Variants in PTPRC observed in about 807,000 individuals in gnomAD.
The protein encoded by PTPRC is protein tyrosine phosphatase receptor type C.
Under a neutral mutation model 155.9 loss-of-function variants are expected in PTPRC, and 44 were observed. The ratio of observed to expected loss-of-function variants is 0.28; its 90% CI spans 0.22 to 0.36. PTPRC has a LOEUF of 0.36. PTPRC is among the 10% of genes least tolerant of loss of function. PTPRC has a pLI of 1.00. For missense variants in PTPRC, 1,401 were observed against 1,564.6 expected (o/e 0.90, Z 1.76); for synonymous variants, 525 against 533.1 (o/e 0.98, Z 0.21).
intron 15 of PTPRC, among the ~76,000 whole-genome samples, chr1:198,726,342 T>C (rs952456281): frequency 1.3e-4 from 20 of 152,198 alleles, no homozygotes; most frequent in African/African-American, 4.8e-4. Flanking sequence ...CTTTGGGTCA[T>C]TTTAGGAGCC....
intron 2 of PTPRC, among the ~76,000 whole-genome samples, chr1:198,682,893 A>G (rs1047334311): frequency 8.5e-5 from 13 of 152,144 alleles, no homozygotes; most frequent in African/African-American, 2.9e-4. Context: ...AATAAGTTTT[A>G]ATGTGTGGTA....
rs184046166 is a variant in PTPRC, at chr1:198,754,482, C to G, written c.3645+78C>G. The G allele has an allele frequency of 8.7e-5, 130 of 1,486,458 alleles. No homozygotes were observed. The Admixed American group carries it at 2.2e-3, about 25-fold the overall frequency. The allele number at this position is 1,486,458 out of a possible 1,614,324, so 92.1% of individuals were successfully genotyped here. On this transcript the variant is annotated intron_variant, in intron 32 of 32. Coordinates refer to ENST00000442510, the MANE Select transcript of PTPRC (RefSeq NM_002838.5). The stretch of plus-strand genomic sequence containing the variant: ...TTGACGGTTTCCTTTTTTCTTTTCT[C>G]CTCTCCTTTCCTCTCGTTTGTTCTT...
chr1:198,694,977 A>T, intron 3 of PTPRC: 1 of 980,142 alleles, frequency 1.0e-6, no homozygotes, highest in Non-Finnish European at 1.2e-6. Flanking sequence ...GGTTATGAAA[A>T]TCTAGAGATT....
At position 198,696,883 on chromosome 1, in the gene PTPRC, A is replaced by G; in HGVS notation, c.272A>G (p.Asp91Gly). Residue 91 changes from aspartate (D) to glycine (G), a missense_variant, in exon 4 of 33, where the codon GAT becomes GGT. Around this residue, in one of 3 missense-constraint regions of PTPRC, gnomAD observed 867 missense variants for 970.4 expected, o/e 0.89. Coordinates refer to ENST00000442510, the MANE Select transcript of PTPRC (RefSeq NM_002838.5). ...ACCCAAGTATCCCCGGACTCTTTGG[A>G]TAATGCTAGTGCTTTTAATACCACA... ...TSTQVSPDSL[D>G]NASAFNTTGV... 6.2e-7 allele frequency: 1 copy of G among 1,614,020 alleles called. No homozygotes were observed. Among genetic ancestry groups the G allele is most frequent in the Non-Finnish European group, 8.5e-7 (1 of 1,179,866 alleles).
At chr1:198,671,587 C>G (rs554092944) in intron 2 of PTPRC, among the ~76,000 whole-genome samples, 6 of 152,280 alleles carry the variant, frequency 3.9e-5, no homozygotes, top group African/African-American at 1.2e-4. Flanking sequence ...ATCTATAGCT[C>G]CAGTTCTGCT....
intron 20 of PTPRC, among the ~76,000 whole-genome samples, chr1:198,733,236 T>C (rs1395434695): frequency 6.6e-6 from 1 of 151,754 alleles, no homozygotes; most frequent in East Asian, 1.9e-4. Context: ...TCTGCCATTT[T>C]CCCAGTGTCC....
chr1:198,702,876 A>G (rs574739886), intron 6 of PTPRC, among the ~76,000 whole-genome samples: 1 of 152,212 alleles, frequency 6.6e-6, no homozygotes, highest in South Asian at 2.1e-4. Flanking sequence ...TTTCTGTAAA[A>G]ATGGACATAA....
intron 2 of PTPRC, among the ~76,000 whole-genome samples, chr1:198,655,095 T>C (rs1398447138): frequency 2.0e-5 from 3 of 151,962 alleles, no homozygotes; most frequent in Non-Finnish European, 2.9e-5. Flanking sequence ...TATTAAATAA[T>C]AACAAATAAG....
intron 14 of PTPRC, among the ~76,000 whole-genome samples, chr1:198,718,774 C>G (rs12094628): frequency 6.6e-6 from 1 of 152,070 alleles, no homozygotes; most frequent in African/African-American, 2.4e-5. Flanking sequence ...GTCTACTGAT[C>G]GTATTTTGTA....
rs1654588299 is a variant in PTPRC at position 198,735,387 on chromosome 1, A to G, written c.2403+135A>G. On this transcript the variant is annotated intron_variant, in intron 23 of 32. Transcript: ENST00000442510. ...AACCTTTAGGATGAAAGCTGTGGTT[A>G]GAACAATGACAAAAATCAATAGGGT... 72 of 855,028 alleles carry G rather than the reference A, an allele frequency of 8.4e-5. 1 individual carries two copies. The South Asian group carries it at 1.3e-3, about 16-fold the overall frequency. The allele number at this position is 855,028 out of a possible 1,614,324, so 53.0% of individuals were successfully genotyped here.
At chr1:198,703,072 T>C (rs927674686) in intron 6 of PTPRC, among the ~76,000 whole-genome samples, 3 of 152,202 alleles carry the variant, frequency 2.0e-5, no homozygotes, top group Non-Finnish European at 2.9e-5. Flanking sequence ...AAGAATTATA[T>C]CAAGGAATGA....
intron 29 of PTPRC, among the ~76,000 whole-genome samples, 168 bp downstream of exon 29, chr1:198,750,794 C>T (rs1005538680): frequency 6.6e-6 from 1 of 151,990 alleles, no homozygotes; most frequent in African/African-American, 2.4e-5. Context: ...CCTCCATCAG[C>T]TGTGTCTGGA....
chr1:198,715,848 T>C (rs1327991304), intron 12 of PTPRC, among the ~76,000 whole-genome samples: 1 of 152,192 alleles, frequency 6.6e-6, no homozygotes, highest in Non-Finnish European at 1.5e-5. Flanking sequence ...CTGTTGCTGC[T>C]ATCCAGAAAC....
At chr1:198,688,921 A>G (rs1665776729) in intron 2 of PTPRC, among the ~76,000 whole-genome samples, 1 of 152,144 alleles carries the variant, frequency 6.6e-6, no homozygotes, top group Admixed American at 6.5e-5. Context: ...GGCCTTGTGA[A>G]CTTGGCCAAG....
chr1:198,745,512 A>G (rs1244493744), intron 26 of PTPRC, among the ~76,000 whole-genome samples: 10 of 151,852 alleles, frequency 6.6e-5, no homozygotes, highest in African/African-American at 1.7e-4. Flanking sequence ...GAAGAGCTCA[A>G]TGCTTGAAGG....
At chr1:198,705,117 T>C (rs1354073306) in intron 8 of PTPRC, among the ~76,000 whole-genome samples, 1 of 151,912 alleles carries the variant, frequency 6.6e-6, no homozygotes, top group African/African-American at 2.4e-5. Flanking sequence ...ACAGTTTGTC[T>C]CTCTTTTTTT....
chr1:198,707,016 C>T lies in PTPRC; in HGVS notation c.904+64C>T. On this transcript the variant is annotated intron_variant, in intron 9 of 32. Coordinates refer to ENST00000442510, the MANE Select transcript of PTPRC (RefSeq NM_002838.5). ...ACAGTACACTTTTGTGTGTGGTGTTCTCCAGTGGTCACAGGAGCTAGTCTG... is the reference window on the plus strand; with the variant it reads ...ACAGTACACTTTTGTGTGTGGTGTTTTCCAGTGGTCACAGGAGCTAGTCTG... 1.5e-6 allele frequency: 2 copies of T among 1,341,904 alleles called. 1 individual carries two copies. The highest frequency in any genetic ancestry group is 5.0e-4 in the Middle Eastern group (2 of 4,030). The allele number at this position is 1,341,904 out of a possible 1,614,324, so 83.1% of individuals were successfully genotyped here.
chr1:198,704,231 A>T (rs1407330062), intron 7 of PTPRC, among the ~76,000 whole-genome samples: 1 of 152,202 alleles, frequency 6.6e-6, no homozygotes, highest in Non-Finnish European at 1.5e-5. Flanking sequence ...AAAAGTCTTA[A>T]TATTGTTAAT....
At position 198,749,543 on chromosome 1, in the gene PTPRC, T is replaced by C. The variant is rs1655287163; in HGVS notation, c.3066T>C (p.Phe1022=). 6.2e-7 allele frequency: 1 copy of C among 1,610,642 alleles called. No homozygotes were observed. Among genetic ancestry groups the C allele is most frequent in the African/African-American group, 1.3e-5 (1 of 74,742 alleles). Residue 1022 remains phenylalanine, a synonymous_variant, in exon 28 of 33, where the codon TTT becomes TTC. Coordinates refer to ENST00000442510, the MANE Select transcript of PTPRC (RefSeq NM_002838.5). ...CAAGCAAATACATCAATGCATCTTTTATAATGGTAGGTACTTAAATTGCCA... is the reference window on the plus strand; with the variant it reads ...CAAGCAAATACATCAATGCATCTTTCATAATGGTAGGTACTTAAATTGCCA... ...EEPSKYINAS[F]IMSYWKPEVM... is the part of the protein sequence containing the mutation.
Sources: allele counts gnomAD v4.1 joint callset (sites outside exome capture counted in the v4.1 genomes callset), GRCh38; gene constraint gnomAD v4.1.1; regional missense constraint gnomAD v4.1.1; transcripts MANE v1.5; gene names NCBI Gene and HGNC (gene_info 2026-07-23, HGNC 2026-07-21).